The following CPLX2 variants were observed in gnomAD, a reference collection of about 807,000 sequenced individuals.
CPLX2 encodes complexin-2.
CPLX2 carries 5 observed loss-of-function variants against 16.3 expected under a neutral mutation model. The observed-to-expected ratio is 0.31, with a 90% CI of 0.16 to 0.64. CPLX2 has a LOEUF of 0.64. Among genes scored for constraint, CPLX2 ranks in the 30% least tolerant of loss-of-function variants. The pLI, the probability that CPLX2 is intolerant of heterozygous loss-of-function variation, is 0.79. For missense variants in CPLX2, 144 were observed against 181.4 expected, an observed-to-expected ratio of 0.79 and a Z score of 1.18; for synonymous variants, 89 against 73.2, an observed-to-expected ratio of 1.22 and a Z score of -1.10.
intron 2 of CPLX2, among the ~76,000 whole-genome samples, chr5:175,859,973 G>A (rs760816900): frequency 1.6e-4 from 25 of 152,252 alleles, no homozygotes; most frequent in Admixed American, 8.5e-4. Flanking sequence ...AGCAACTGAA[G>A]TAAAAAGGCA....
At chr5:175,855,139 G>T (rs1208945742) in intron 2 of CPLX2, among the ~76,000 whole-genome samples, 1 of 152,232 alleles carries the variant, frequency 6.6e-6, no homozygotes, top group Non-Finnish European at 1.5e-5. Flanking sequence ...AGTCGGCAGG[G>T]AGAGCAGCTG....
At chr5:175,853,311 G>T (rs1759191785) in intron 2 of CPLX2, among the ~76,000 whole-genome samples, 1 of 152,188 alleles carries the variant, frequency 6.6e-6, no homozygotes, top group Non-Finnish European at 1.5e-5. Flanking sequence ...TCAATTCTGG[G>T]CCAGCCCTGG....
At chr5:175,831,829 T>C (rs1758740660) in intron 2 of CPLX2, among the ~76,000 whole-genome samples, 1 of 152,086 alleles carries the variant, frequency 6.6e-6, no homozygotes, top group Non-Finnish European at 1.5e-5. Flanking sequence ...GCCGAGAGGA[T>C]CAAACAAAGC....
chr5:175,829,614 C>G (rs1178183147), intron 2 of CPLX2, among the ~76,000 whole-genome samples: 3 of 152,158 alleles, frequency 2.0e-5, no homozygotes. Flanking sequence ...CTCTGCACCC[C>G]TATATCTCCA....
intron 2 of CPLX2, among the ~76,000 whole-genome samples, chr5:175,852,238 C>A (rs6556226): frequency 0.94 from 142,376 of 152,164 alleles, 66,652 homozygotes; most frequent in East Asian, 0.98. Context: ...GAATACGAAA[C>A]TTTACCAATG....
chr5:175,852,763 T>G (rs894676432), intron 2 of CPLX2, among the ~76,000 whole-genome samples: 3 of 151,712 alleles, frequency 2.0e-5, no homozygotes, highest in Non-Finnish European at 4.4e-5. Flanking sequence ...ACCAGCTAGG[T>G]GGGATGGGAA....
rs371160994 is a variant in CPLX2, at chr5:175,810,308, G to A, written c.-89+1240G>A. ...CTGGCCCAGTGTCACACAGAGAGTC[G>A]GGGACAGAGCTGGTGCTAAAGCCCA... On this transcript the variant is annotated intron_variant, in intron 2 of 4. Coordinates refer to the CPLX2 transcript ENST00000359546. Among the ~76,000 whole-genome samples the A allele has an allele frequency of 3.2e-4, 49 of 152,300 alleles. 1 individual carries two copies. Among genetic ancestry groups the A allele is most frequent in the African/African-American group, 9.9e-4 (41 of 41,570 alleles).
At chr5:175,797,996 G>C (rs1758025319) in intron 1 of CPLX2, among the ~76,000 whole-genome samples, 1 of 152,188 alleles carries the variant, frequency 6.6e-6, no homozygotes, top group Admixed American at 6.5e-5. Context: ...CGGAAGACAA[G>C]GCCTAGGGGG....
chr5:175,846,976 G>A (rs1424374036), intron 2 of CPLX2, among the ~76,000 whole-genome samples: 4 of 152,054 alleles, frequency 2.6e-5, no homozygotes, highest in Admixed American at 1.3e-4. Context: ...TCTGAACCTC[G>A]GCCTCCTCAT....
At chr5:175,825,069 G>A (rs1758586432) in intron 2 of CPLX2, among the ~76,000 whole-genome samples, 1 of 152,124 alleles carries the variant, frequency 6.6e-6, no homozygotes, top group South Asian at 2.1e-4. Flanking sequence ...TAAAGAAAAT[G>A]GGGCACAGAA....
intron 1 of CPLX2, among the ~76,000 whole-genome samples, chr5:175,799,550 A>C (rs4008071): frequency 7.8e-5 from 3 of 38,490 alleles, no homozygotes; most frequent in African/African-American, 3.5e-4. Flanking sequence ...ATATATATAT[A>C]TATATATATA....
upstream of CPLX2, among the ~76,000 whole-genome samples, chr5:175,866,629 G>A (rs2113696535): frequency 6.6e-6 from 1 of 152,294 alleles, no homozygotes; most frequent in East Asian, 1.9e-4. Context: ...CTGAGGAGCT[G>A]CTGGGCAGAT....
intron 1 of CPLX2, among the ~76,000 whole-genome samples, chr5:175,804,001 G>C (rs929535192): frequency 2.0e-5 from 3 of 152,214 alleles, no homozygotes; most frequent in African/African-American, 7.2e-5. Flanking sequence ...CTGGGGTGAG[G>C]CCAGTAAGAC....
In CPLX2 at chr5:175,875,029, GGCC is replaced by G. The variant is rs1581104592; in HGVS notation, c.-89+3326_-89+3328del. Among the ~76,000 whole-genome samples the G allele has an allele frequency of 6.6e-5, 10 of 152,284 alleles. No individual in the cohort carries two copies. In the East Asian group the frequency reaches 1.9e-3, roughly 29 times the overall value. The stretch of plus-strand genomic sequence containing the variant: ...CAGCAGAGGGATGGAGGAGGATGAC[GGCC>G]GTGAAGACCCTCTTGAATCTGGCAA... On this transcript the variant is annotated intron_variant, in intron 1 of 3. Transcript: ENST00000393745.
rs1440417035 is a variant in CPLX2, at chr5:175,835,947, C to T, written c.-89+26879C>T. Among the ~76,000 whole-genome samples, 7 of 151,880 alleles carry T rather than the reference C, an allele frequency of 4.6e-5. No homozygotes were observed. In the South Asian group the frequency reaches 8.3e-4, roughly 18 times the overall value. The stretch of plus-strand genomic sequence containing the variant: ...AGAGATGGGGTTTCCCCATGTTGGC[C>T]GGGCTGGTCTCAAACTCCTGACCTC... On this transcript the variant is annotated intron_variant, in intron 2 of 4. Transcript: ENST00000359546.
chr5:175,871,271 G>A (rs1189681026), upstream of CPLX2, among the ~76,000 whole-genome samples: 1 of 149,328 alleles, frequency 6.7e-6, no homozygotes, highest in East Asian at 2.0e-4. Context: ...CGAGGGGGAG[G>A]AGAACAGTGT....
At chr5:175,824,131 C>T (rs938094735) in intron 2 of CPLX2, among the ~76,000 whole-genome samples, 2 of 152,212 alleles carry the variant, frequency 1.3e-5, no homozygotes, top group Non-Finnish European at 2.9e-5. Context: ...ACCTTTCACC[C>T]TCAAGGACGC....
chr5:175,837,681 C>T (rs1474099847), intron 2 of CPLX2: 1 of 147,762 alleles, frequency 6.8e-6, no homozygotes, highest in East Asian at 2.1e-4. Flanking sequence ...TGTTGCTCCA[C>T]AGCTAACAAT....
chr5:175,823,437 T>C (rs1758550134), intron 2 of CPLX2, among the ~76,000 whole-genome samples: 1 of 152,070 alleles, frequency 6.6e-6, no homozygotes, highest in African/African-American at 2.4e-5. Flanking sequence ...AATGAGTGGA[T>C]GAAGGGATGA....
Sources: gnomAD v4.1 joint callset for allele counts (sites outside exome capture counted in the v4.1 genomes callset) on GRCh38, gnomAD v4.1.1 for gene constraint, MANE v1.5 for transcripts, NCBI Gene and HGNC (gene_info 2026-07-23, HGNC 2026-07-21) for gene names.